TMEM184A: variants seen among roughly 807,000 people sequenced by gnomAD.
TMEM184A encodes the protein sexually dimorphic, expressed in male gonads 1.
In TMEM184A, 40 loss-of-function variants were observed where a neutral mutation model predicts 39.5. The ratio of observed to expected loss-of-function variants is 1.01; its 90% confidence interval spans 0.79 to 1.32. The LOEUF (loss-of-function observed/expected upper bound fraction) is 1.32, where lower values mean the gene tolerates loss of function less well. Ranked by LOEUF, TMEM184A falls within the 40% of genes most tolerant of loss-of-function variation. The pLI is 0.00. For synonymous variants in TMEM184A, 280 were observed against 252.3 expected (o/e 1.11, Z -1.04); for missense variants, 603 against 568.8 (o/e 1.06, Z -0.61).
chr7:1,545,275 A>G lies in TMEM184A; in HGVS notation c.*1677T>C, dbSNP rs7782070. The G allele has an allele frequency of 0.66, 99,939 of 152,434 alleles. 33,228 individuals are homozygous for G. The highest frequency in any genetic ancestry group is 0.75 in the African/African-American group (31,227 of 41,492). The allele number at this position is 152,434 out of a possible 1,614,324, so 9.4% of individuals were successfully genotyped here. ...TTTGCAGCCGTGCAGGGAGGAGCTC[A>G]GCCTATCTTATCAGGCAGCCGGGCT... On this transcript the variant is annotated 3_prime_UTR_variant, in exon 9 of 9. Transcript: ENST00000297477.
rs78630014 is a variant in TMEM184A, at chr7:1,550,448, C to T, written c.386-53G>A. 1.0e-3 allele frequency: 1,501 copies of T among 1,442,534 alleles called. 16 individuals are homozygous for T. The African/African-American group carries it at 0.017, about 17-fold the overall frequency. 89.4% of individuals were successfully genotyped at this position (1,442,534 alleles called of 1,614,324 possible). A position where few individuals can be genotyped will look rare whatever the true frequency, so the allele number is the denominator to read the frequency against. On this transcript the variant is annotated intron_variant, in intron 3 of 8. Coordinates refer to ENST00000297477, the MANE Select transcript of TMEM184A (RefSeq NM_001097620.2). ...TGTGAGCCCTGAGCTGCACCGGGAC[C>T]CCATGGCGCCCATCTCACCAGGGCA...
rs961786937 is a variant in TMEM184A at position 1,545,093 on chromosome 7, C to G, written c.*1859G>C. The G allele has an allele frequency of 6.6e-6, 1 of 152,204 alleles. No individual in the cohort carries two copies. Among genetic ancestry groups the G allele is most frequent in the Non-Finnish European group, 1.5e-5 (1 of 68,050 alleles). 9.4% of individuals were successfully genotyped at this position (152,204 alleles called of 1,614,324 possible). On this transcript the variant is annotated 3_prime_UTR_variant, in exon 9 of 9. Coordinates refer to ENST00000297477, the MANE Select transcript of TMEM184A (RefSeq NM_001097620.2). ...ACCCCTATCGGGGTGGCCTTCCCCA[C>G]GGCAAGGGCAGAGCAGGCCTAGAGC...
chr7:1,555,408 G>T lies in TMEM184A; in HGVS notation c.77C>A (p.Pro26Gln), dbSNP rs772679549. 3.7e-6 allele frequency: 6 copies of T among 1,611,568 alleles called. No individual in the cohort carries two copies. In the Admixed American group the frequency reaches 5.0e-5, roughly 13 times the overall value. Residue 26 changes from proline (P) to glutamine (Q), a missense_variant, in exon 2 of 9, where the codon CCA becomes CAA. Pro to Gln is a moderately conservative substitution (Grantham distance 76). Coordinates refer to ENST00000297477, the MANE Select transcript of TMEM184A (RefSeq NM_001097620.2). The surrounding 1 kb of genome is among the most constrained non-coding windows in gnomAD (Gnocchi z 5.2). ...CTGCGGCCCAGCTGGCACAGCCGGT[G>T]GGGGGCTGGGCTGCGGCCAGTTCGC... ...VSANWPQPSP[P>Q]PAVPAGPQMD...
chr7:1,550,697 C>A, intron 3 of TMEM184A, 120 bp downstream of exon 3: 1 of 1,303,254 alleles, frequency 7.7e-7, no homozygotes, highest in East Asian at 2.4e-5. Context: ...CCTGGCAGCC[C>A]CTCTGACGGG....
At chr7:1,548,495 C>T in intron 7 of TMEM184A, 24 bp downstream of exon 7, 3 of 1,600,404 alleles carry the variant, frequency 1.9e-6, no homozygotes, top group Non-Finnish European at 2.6e-6. Flanking sequence ...TCGGTAGCAC[C>T]CCTGCCCCAC....
At chr7:1,552,600 C>T (rs1295815231) in intron 2 of TMEM184A, among the ~76,000 whole-genome samples, 1 of 151,078 alleles carries the variant, frequency 6.6e-6, no homozygotes, top group African/African-American at 2.4e-5. Context: ...TCACTCATTC[C>T]TTCATTCAGC....
chr7:1,555,469 C>G lies in TMEM184A; in HGVS notation c.16G>C (p.Gly6Arg), dbSNP rs1778526325. 7 of 1,606,786 alleles carry G rather than the reference C, an allele frequency of 4.4e-6. No individual in the cohort carries two copies. The highest frequency in any genetic ancestry group is 5.9e-6 in the Non-Finnish European group (7 of 1,179,570). Residue 6 changes from glycine (G) to arginine (R), a missense_variant, in exon 2 of 9, where the codon GGG (glycine) becomes CGG (arginine). Physicochemically the swap from Gly to Arg is moderately radical, Grantham distance 125 (BLOSUM62 -2). Transcript: ENST00000297477. This position sits in a 1 kb window ranked among gnomAD's most constrained non-coding sequence, Gnocchi z 5.2. ...GGGACGCCGGCTGTCTCCAGGATCC[C>G]TGAGACATTACTCATCTGCAGAGGG... The part of the protein sequence containing the change: MSNVS[G>R]ILETAGVPLV...
rs540354860 is a variant in TMEM184A at position 1,549,867 on chromosome 7, C to G, written c.631G>C (p.Asp211His). ...IILQAFGKYH[D>H]GDFNVRSGYL... ...CTCCCGCCTTACTTGAAGTCCCCGT[C>G]GTGGTATTTGCCAAATGCCTGGAGG... Residue 211 changes from aspartate to histidine, a missense_variant, in exon 6 of 9, where the codon GAC (aspartate) becomes CAC (histidine). Asp to His is a moderately conservative substitution (Grantham distance 81). Coordinates refer to ENST00000297477, the MANE Select transcript of TMEM184A (RefSeq NM_001097620.2). 4 of 1,608,210 alleles carry G rather than the reference C, an allele frequency of 2.5e-6. No individual in the cohort carries two copies. Among genetic ancestry groups the G allele is most frequent in the Non-Finnish European group, 3.4e-6 (4 of 1,176,944 alleles).
intron 2 of TMEM184A, among the ~76,000 whole-genome samples, 185 bp from the exon 3 acceptor site, chr7:1,551,167 G>A (rs1421814082): frequency 2.7e-5 from 2 of 73,822 alleles, no homozygotes; most frequent in Non-Finnish European, 5.9e-5. Flanking sequence ...GAGGGTTCGC[G>A]TGAGAGCCGG....
chr7:1,547,888 G>C lies in TMEM184A; in HGVS notation c.866C>G (p.Thr289Ser), dbSNP rs771320480. Reference sequence around the variant, plus strand: ...AGCCCCCAGCTTGTTCCCGCCGCTGGTCTCCACCTCCGGGATGACCCCGCA... The same window carrying C: ...AGCCCCCAGCTTGTTCCCGCCGCTGCTCTCCACCTCCGGGATGACCCCGCA... ...ERCGVIPEVE[T>S]SGGNKLGAGT... Residue 289 changes from threonine to serine, a missense_variant, in exon 8 of 9, where the codon ACC becomes AGC. Coordinates refer to ENST00000297477, the MANE Select transcript of TMEM184A (RefSeq NM_001097620.2). The C allele has an allele frequency of 6.3e-6, 10 of 1,597,724 alleles. No homozygotes were observed. The highest frequency in any genetic ancestry group is 8.5e-6 in the Non-Finnish European group (10 of 1,172,848).
chr7:1,547,536 G>C (rs1316633501), intron 8 of TMEM184A, among the ~76,000 whole-genome samples: 1 of 152,124 alleles, frequency 6.6e-6, no homozygotes, highest in African/African-American at 2.4e-5. Context: ...TGCCTGGCAG[G>C]GGACACCCAT....
chr7:1,549,427 T>G (rs1023147629), intron 6 of TMEM184A: 21 of 409,626 alleles, frequency 5.1e-5, no homozygotes, highest in Non-Finnish European at 9.5e-5. Context: ...CTTGGTCCCC[T>G]TGGCCCAGGT....
intron 7 of TMEM184A, 145 bp from the exon 8 acceptor site, chr7:1,548,084 G>A (rs971587400): frequency 7.2e-6 from 7 of 972,600 alleles, no homozygotes; most frequent in African/African-American, 3.3e-5. Flanking sequence ...TGAGGTTCAG[G>A]GGGGCAGGGC....
In TMEM184A at chr7:1,544,882, T is replaced by C. The variant is rs1380336508; in HGVS notation, c.*2070A>G. 6.6e-6 allele frequency: 1 copy of C among 152,226 alleles called. No individual in the cohort carries two copies. Among genetic ancestry groups the C allele is most frequent in the Non-Finnish European group, 1.5e-5 (1 of 68,076 alleles). The allele number at this position is 152,226 out of a possible 1,614,324, so 9.4% of individuals were successfully genotyped here. On this transcript the variant is annotated 3_prime_UTR_variant, in exon 9 of 9. Transcript: ENST00000297477. ...GTTTCCTGGCACAGTCCTCGGCTGG[T>C]CTGAGGGGGCATTTGGCGGAAACTG...
intron 2 of TMEM184A, 86 bp from the exon 3 acceptor site, chr7:1,551,068 G>A (rs1412221638): frequency 6.9e-6 from 10 of 1,444,978 alleles, no homozygotes; most frequent in African/African-American, 2.9e-5. Context: ...GGTGGGGGTG[G>A]GTGCAGGAGG....
At position 1,546,951 on chromosome 7, in the gene TMEM184A, C is replaced by G. The variant is rs376913119; in HGVS notation, c.*1G>C. 326 of 1,560,944 alleles carry G rather than the reference C, an allele frequency of 2.1e-4. No homozygotes were observed. In the African/African-American group the frequency reaches 3.9e-3, roughly 19 times the overall value. ...CTACAGCACTGGCAGCCCAGGCCCCCCTACAGGTCCTCCGAGGGGATCAGC... is the reference window on the plus strand; with the variant it reads ...CTACAGCACTGGCAGCCCAGGCCCCGCTACAGGTCCTCCGAGGGGATCAGC... On this transcript the variant is annotated 3_prime_UTR_variant, in exon 9 of 9. Transcript: ENST00000297477.
intron 2 of TMEM184A, 79 bp from the exon 3 acceptor site, chr7:1,551,061 G>A: frequency 6.8e-7 from 1 of 1,471,238 alleles, no homozygotes; most frequent in South Asian, 1.3e-5. Context: ...GGAAGGAGGT[G>A]GGGGTGGGTG....
At position 1,550,913 on chromosome 7, in the gene TMEM184A, C is replaced by T. The variant is rs753024203; in HGVS notation, c.289G>A (p.Val97Met). 1.5e-5 allele frequency: 24 copies of T among 1,613,686 alleles called. No individual in the cohort carries two copies. Among genetic ancestry groups the T allele is most frequent in the Middle Eastern group, 1.6e-4 (1 of 6,070 alleles). ...CAGGAGTCGAAGGCGTAGATGGGCACGATGAGGAGCAGGCGGATGATGTAA... is the reference window on the plus strand; with the variant it reads ...CAGGAGTCGAAGGCGTAGATGGGCATGATGAGGAGCAGGCGGATGATGTAA... Reference protein sequence around the residue: ...QRYIIRLLLIVPIYAFDSWLS... With the variant: ...QRYIIRLLLIMPIYAFDSWLS... Residue 97 changes from valine to methionine, a missense_variant, in exon 3 of 9, where the codon GTG becomes ATG. Val to Met is a conservative substitution (Grantham distance 21). Coordinates refer to ENST00000297477, the MANE Select transcript of TMEM184A (RefSeq NM_001097620.2).
intron 2 of TMEM184A, among the ~76,000 whole-genome samples, chr7:1,551,190 C>T (rs1339072623): frequency 1.1e-5 from 1 of 87,334 alleles, no homozygotes; most frequent in Non-Finnish European, 2.3e-5. Context: ...CCGCCCTGGG[C>T]GCAGGAGGGT....
Sources: allele counts gnomAD v4.1 joint callset (sites outside exome capture counted in the v4.1 genomes callset), GRCh38; gene constraint gnomAD v4.1.1; non-coding constraint Gnocchi (gnomAD v3.1); transcripts MANE v1.5; gene names NCBI Gene and HGNC (gene_info 2026-07-23, HGNC 2026-07-21).